The following CTNNAL1 variants were observed in gnomAD, a reference collection of about 807,000 sequenced individuals.
CTNNAL1 encodes catenin alpha like 1, also known as alpha-catulin.
A neutral mutation model predicts 93.6 loss-of-function variants in CTNNAL1; 69 were observed. That is an observed-to-expected ratio of 0.74 (90% confidence interval 0.61 to 0.90). The LOEUF (loss-of-function observed/expected upper bound fraction) is 0.90, where lower values mean the gene tolerates loss of function less well. CTNNAL1 is among the 40% of genes least tolerant of loss of function. The pLI, the probability that CTNNAL1 is intolerant of heterozygous loss-of-function variation, is 0.00. For synonymous variants in CTNNAL1, 286 were observed against 305.4 expected (o/e 0.94, Z 0.66); for missense variants, 836 against 862.0 (o/e 0.97, Z 0.38).
At chr9:108,993,874 TG>T (rs1417950179) in intron 2 of CTNNAL1, among the ~76,000 whole-genome samples, 1 of 152,212 alleles carries the variant, frequency 6.6e-6, no homozygotes, top group African/African-American at 2.4e-5. Flanking sequence ...CTAAGGATCT[TG>T]AGTAAAAAGT....
intron 10 of CTNNAL1, among the ~76,000 whole-genome samples, chr9:108,967,311 G>A (rs1463017620): frequency 6.6e-6 from 1 of 152,128 alleles, no homozygotes; most frequent in East Asian, 1.9e-4. Context: ...GAAATTAATA[G>A]GATAATGTGA....
At chr9:108,972,864 G>GGGGGGGGGGGGCCCC in intron 8 of CTNNAL1, 31 bp from the exon 9 acceptor site, 1 of 142,570 alleles carries the variant, frequency 7.0e-6, no homozygotes, top group Non-Finnish European at 1.0e-5. Flanking sequence ...GGGGGGGTGG[G>GGGGGGGGGGGGCCCC]AGGGTGGAGA....
At chr9:108,993,994 C>A (rs1353326789) in intron 2 of CTNNAL1, among the ~76,000 whole-genome samples, 1 of 152,132 alleles carries the variant, frequency 6.6e-6, no homozygotes, top group Non-Finnish European at 1.5e-5. Context: ...CTTTAGGAGG[C>A]CGAGGCGGGT....
intron 11 of CTNNAL1, among the ~76,000 whole-genome samples, chr9:108,961,341 C>A (rs564470576): frequency 1.3e-5 from 2 of 152,150 alleles, no homozygotes; most frequent in Non-Finnish European, 2.9e-5. Context: ...GAATGGTTAA[C>A]CCAGAGATGG....
intron 11 of CTNNAL1, among the ~76,000 whole-genome samples, chr9:108,964,420 T>G (rs1830900385): frequency 6.6e-6 from 1 of 152,058 alleles, no homozygotes; most frequent in African/African-American, 2.4e-5. Flanking sequence ...CAGAAGCCAT[T>G]TGAAGAGAAA....
intron 1 of CTNNAL1, among the ~76,000 whole-genome samples, chr9:109,012,516 T>C (rs1827236790): frequency 1.3e-5 from 2 of 152,200 alleles, no homozygotes; most frequent in Non-Finnish European, 2.9e-5. Flanking sequence ...ATTCTAGCCC[T>C]GAAGCTGCAT....
chr9:108,955,863 T>A (rs576837494), intron 11 of CTNNAL1, 36 bp from the exon 12 acceptor site: 2 of 1,352,004 alleles, frequency 1.5e-6, no homozygotes, highest in Non-Finnish European at 2.0e-6. Flanking sequence ...AAATTTTTTC[T>A]ATTAATATAT....
chr9:108,990,387 A>G (rs1480552584), intron 4 of CTNNAL1, among the ~76,000 whole-genome samples: 1 of 152,238 alleles, frequency 6.6e-6, no homozygotes, highest in South Asian at 2.1e-4. Flanking sequence ...TGATGACTCA[A>G]TTTTATGTGC....
intron 9 of CTNNAL1, among the ~76,000 whole-genome samples, chr9:108,971,694 T>C (rs1831121562): frequency 6.6e-6 from 1 of 152,190 alleles, no homozygotes; most frequent in Non-Finnish European, 1.5e-5. Flanking sequence ...ATTAAACCTC[T>C]TTTTCTTTAT....
At chr9:108,959,161 C>T (rs1420335369) in intron 11 of CTNNAL1, among the ~76,000 whole-genome samples, 2 of 150,328 alleles carry the variant, frequency 1.3e-5, no homozygotes, top group Non-Finnish European at 1.5e-5. Flanking sequence ...AGATCGAGAC[C>T]ATCCTGGCTA....
chr9:108,999,635 G>A (rs1263263424), intron 1 of CTNNAL1, among the ~76,000 whole-genome samples: 2 of 152,200 alleles, frequency 1.3e-5, no homozygotes, highest in African/African-American at 4.8e-5. Flanking sequence ...GATGCTATGA[G>A]AGTAGAAACA....
intron 12 of CTNNAL1, among the ~76,000 whole-genome samples, chr9:108,953,302 C>T (rs2211281): frequency 2.0e-5 from 3 of 152,078 alleles, no homozygotes; most frequent in Non-Finnish European, 4.4e-5. Context: ...AAATATATTC[C>T]GAAGTTCTCT....
At chr9:108,956,041 C>T (rs528179371) in intron 11 of CTNNAL1, among the ~76,000 whole-genome samples, 255 of 152,282 alleles carry the variant, frequency 1.7e-3, no homozygotes, top group African/African-American at 6.0e-3. Flanking sequence ...GGTACCTATG[C>T]TGGTCAATCT....
At chr9:108,990,480 C>T (rs1177889334) in intron 4 of CTNNAL1, among the ~76,000 whole-genome samples, 3 of 152,080 alleles carry the variant, frequency 2.0e-5, no homozygotes, top group African/African-American at 7.2e-5. Flanking sequence ...TTGAGTTGAG[C>T]CCTGATAGCA....
At chr9:108,945,638 T>TG (rs201068159) in intron 15 of CTNNAL1, among the ~76,000 whole-genome samples, 1 of 149,074 alleles carries the variant, frequency 6.7e-6, no homozygotes, top group African/African-American at 2.6e-5. Flanking sequence ...GTTTTTTTTT[T>TG]TTTTGTTTTG....
Position 108,990,853 on chromosome 9 carries a change from A to C in CTNNAL1, c.520-8T>G. On this transcript the variant is annotated splice_polypyrimidine_tract_variant and splice_region_variant and intron_variant, in intron 3 of 18. Coordinates refer to ENST00000325551, the MANE Select transcript of CTNNAL1 (RefSeq NM_003798.4). Reference sequence around the variant, plus strand: ...TTCCATAGTTGCGAGAACCTGCAAAACAGATAATAATTCATTATTTGGTGA... The same window carrying C: ...TTCCATAGTTGCGAGAACCTGCAAACCAGATAATAATTCATTATTTGGTGA... The C allele has an allele frequency of 1.9e-6, 3 of 1,610,012 alleles. No homozygotes were observed. The highest frequency in any genetic ancestry group is 2.5e-6 in the Non-Finnish European group (3 of 1,178,558).
chr9:109,009,038 G>A (rs1406203387), intron 1 of CTNNAL1, among the ~76,000 whole-genome samples: 1 of 151,560 alleles, frequency 6.6e-6, no homozygotes, highest in Non-Finnish European at 1.5e-5. Context: ...GGGACCACAG[G>A]TGCATGCCAT....
At chr9:108,965,739 GTATGCATTAT>G (rs1367277143) in intron 10 of CTNNAL1, among the ~76,000 whole-genome samples, 3 of 152,190 alleles carry the variant, frequency 2.0e-5, no homozygotes, top group Non-Finnish European at 4.4e-5. Context: ...CAGACAAATA[GTATGCATTAT>G]TATATACAAA....
intron 15 of CTNNAL1, 106 bp downstream of exon 15, chr9:108,948,080 C>G: frequency 1.0e-5 from 13 of 1,266,540 alleles, no homozygotes; most frequent in Non-Finnish European, 1.4e-5. Flanking sequence ...CAGGTAGGTA[C>G]AGATGTAAGC....
Sources: allele counts gnomAD v4.1 joint callset (sites outside exome capture counted in the v4.1 genomes callset), GRCh38; gene constraint gnomAD v4.1.1; transcripts MANE v1.5; gene names NCBI Gene and HGNC (gene_info 2026-07-23, HGNC 2026-07-21).